Variants in MYZAP observed in about 807,000 individuals in gnomAD.
MYZAP encodes the protein myocardial zonula adherens protein, also known as GRINL1A complex locus upstream.
MYZAP carries 66 observed loss-of-function variants against 69.4 expected under a neutral mutation model. That is an observed-to-expected ratio of 0.95 (90% CI 0.78 to 1.17). The LOEUF is 1.17. Ranked by LOEUF, MYZAP falls within the 50% of genes most tolerant of loss-of-function variation. MYZAP has a pLI of 0.00. For missense variants in MYZAP, 611 were observed against 556.2 expected, an observed-to-expected ratio of 1.10 and a Z score of -0.99; for synonymous variants, 256 against 205.9, an observed-to-expected ratio of 1.24 and a Z score of -2.09.
At position 57,632,426 on chromosome 15, in the gene MYZAP, CGTT is replaced by C. The variant is rs769372233; in HGVS notation, c.679-5_679-3del. On this transcript the variant is annotated splice_region_variant and splice_polypyrimidine_tract_variant and intron_variant, in intron 6 of 12. Coordinates refer to ENST00000267853, the MANE Select transcript of MYZAP (RefSeq NM_001018100.5). ...AAAGCTGTCGTTCTGAAATGAGTCTCGTTGTAGGTGGAATCGTCCCAAGAAGCC... is the reference window on the plus strand; with the variant it reads ...AAAGCTGTCGTTCTGAAATGAGTCTCGTAGGTGGAATCGTCCCAAGAAGCC... 5.0e-6 allele frequency: 8 copies of C among 1,613,960 alleles called. No individual in the cohort carries two copies. The highest frequency in any genetic ancestry group is 2.2e-5 in the South Asian group (2 of 91,036).
Position 57,594,679 on chromosome 15 carries a change from G to A in MYZAP, c.75+2570G>A, listed in dbSNP as rs943411640. ...GTGCACTCTATGATGATTACGCAAC[G>A]ACAAAAATCATCAAATGATGCATTT... On this transcript the variant is annotated intron_variant, in intron 1 of 12. Coordinates refer to ENST00000267853, the MANE Select transcript of MYZAP (RefSeq NM_001018100.5). 3.9e-5 allele frequency among the ~76,000 whole-genome samples: 6 copies of A among 152,200 alleles called. No individual in the cohort carries two copies. The South Asian group carries it at 6.2e-4, about 16-fold the overall frequency.
chr15:57,646,578 A>G (rs2037457246), intron 10 of MYZAP: 2 of 1,010,118 alleles, frequency 2.0e-6, no homozygotes, highest in Non-Finnish European at 2.4e-6. Flanking sequence ...GACATCTGCT[A>G]AGGAGATGGG....
At chr15:57,658,418 T>A (rs2038111514) in intron 10 of MYZAP, among the ~76,000 whole-genome samples, 1 of 152,206 alleles carries the variant, frequency 6.6e-6, no homozygotes, top group Admixed American at 6.5e-5. Context: ...TTTTCCAAAG[T>A]GTCTTTTCTT....
At chr15:57,621,023 T>C (rs1407416325) in intron 3 of MYZAP, among the ~76,000 whole-genome samples, 1 of 148,136 alleles carries the variant, frequency 6.8e-6, no homozygotes, top group African/African-American at 2.4e-5. Flanking sequence ...ATATATTCTA[T>C]ATTAATATAT....
chr15:57,652,529 AT>A (rs1373167153), intron 10 of MYZAP, among the ~76,000 whole-genome samples: 1 of 152,254 alleles, frequency 6.6e-6, no homozygotes, highest in African/African-American at 2.4e-5. Flanking sequence ...CTATGCAAAA[AT>A]AAAACACTTT....
chr15:57,612,138 CA>C (rs2035144942), intron 2 of MYZAP, among the ~76,000 whole-genome samples: 2 of 152,216 alleles, frequency 1.3e-5, no homozygotes, highest in Admixed American at 6.5e-5. Flanking sequence ...GCAGGGAACC[CA>C]GTGGCTCTGT....
At chr15:57,645,408 G>A (rs16977633) in intron 10 of MYZAP, among the ~76,000 whole-genome samples, 4,740 of 152,294 alleles carry the variant, frequency 0.031, 85 homozygotes, top group Admixed American at 0.047. Context: ...TGCATCTGCA[G>A]TTAGAGACCT....
intron 2 of MYZAP, among the ~76,000 whole-genome samples, chr15:57,614,815 C>A (rs542260009): frequency 6.6e-6 from 1 of 152,122 alleles, no homozygotes; most frequent in South Asian, 2.1e-4. Flanking sequence ...TAGGCAGGCA[C>A]TTGCAGGCTG....
chr15:57,611,350 G>C (rs2035090899), intron 2 of MYZAP, among the ~76,000 whole-genome samples: 1 of 152,212 alleles, frequency 6.6e-6, no homozygotes, highest in African/African-American at 2.4e-5. Flanking sequence ...GAGAAACTCT[G>C]TTTAGGATAT....
In MYZAP at chr15:57,604,305, G is replaced by T; in HGVS notation, c.112G>T (p.Glu38Ter). ...VCRLRLTVPPESPVPEQCEKK... is the reference protein window; with the variant it reads ...VCRLRLTVPP ...CAGACTACGGCTGACCGTACCTCCTGAGAGTCCAGTTCCTGAGCAATGTGA... is the reference window on the plus strand; with the variant it reads ...CAGACTACGGCTGACCGTACCTCCTTAGAGTCCAGTTCCTGAGCAATGTGA... Residue 38 changes from glutamate (E) to a stop codon, truncating the protein, a stop_gained, in exon 2 of 13, where the codon GAG becomes TAG. Transcript: ENST00000267853. LOFTEE classifies it high-confidence loss of function. The T allele has an allele frequency of 6.2e-7, 1 of 1,614,176 alleles. No individual in the cohort carries two copies. Among genetic ancestry groups the T allele is most frequent in the Non-Finnish European group, 8.5e-7 (1 of 1,180,038 alleles).
At chr15:57,669,134 C>T (rs1372575810) in intron 11 of MYZAP, among the ~76,000 whole-genome samples, 2 of 152,056 alleles carry the variant, frequency 1.3e-5, no homozygotes, top group African/African-American at 4.8e-5. Context: ...AGTGATCAGC[C>T]CATGTCGGGT....
intron 6 of MYZAP, among the ~76,000 whole-genome samples, chr15:57,632,181 G>C (rs1206517701): frequency 1.3e-5 from 2 of 152,194 alleles, no homozygotes; most frequent in Admixed American, 1.3e-4. Flanking sequence ...TTTTGAAAAA[G>C]TCACTCATGT....
At chr15:57,682,613 G>A (rs2039500633) in intron 12 of MYZAP, among the ~76,000 whole-genome samples, 1 of 152,136 alleles carries the variant, frequency 6.6e-6, no homozygotes, top group East Asian at 1.9e-4. Context: ...AAAAATATGA[G>A]CAGATCATGG....
intron 1 of MYZAP, among the ~76,000 whole-genome samples, chr15:57,597,466 G>A (rs1165373655): frequency 2.0e-5 from 3 of 152,178 alleles, no homozygotes; most frequent in African/African-American, 4.8e-5. Flanking sequence ...ACACTCCTGG[G>A]ACAGTGTTGC....
chr15:57,624,417 G>T (rs2036002241), intron 4 of MYZAP, among the ~76,000 whole-genome samples: 1 of 152,102 alleles, frequency 6.6e-6, no homozygotes, highest in Non-Finnish European at 1.5e-5. Context: ...TAGGAGTGGG[G>T]CTATGTAAAT....
At chr15:57,593,540 G>A (rs1285718832) in intron 1 of MYZAP, among the ~76,000 whole-genome samples, 4 of 152,110 alleles carry the variant, frequency 2.6e-5, no homozygotes, top group African/African-American at 4.8e-5. Flanking sequence ...AACCTAATAC[G>A]GTGGGTTGAT....
At chr15:57,658,730 T>C (rs1397419803) in intron 10 of MYZAP, among the ~76,000 whole-genome samples, 2 of 152,172 alleles carry the variant, frequency 1.3e-5, no homozygotes, top group African/African-American at 4.8e-5. Flanking sequence ...TATTCCACCT[T>C]GGGTGATGCC....
intron 3 of MYZAP, among the ~76,000 whole-genome samples, chr15:57,619,248 T>C (rs2035664058): frequency 6.6e-6 from 1 of 152,206 alleles, no homozygotes; most frequent in Non-Finnish European, 1.5e-5. Flanking sequence ...GCAGAAAATA[T>C]GAGGAAAAGC....
intron 10 of MYZAP, chr15:57,647,573 G>A: frequency 1.0e-6 from 1 of 985,394 alleles, no homozygotes. Context: ...CTTTCAGGGT[G>A]GTGTGCTTTC....
Sources: gnomAD v4.1 joint callset for allele counts (sites outside exome capture counted in the v4.1 genomes callset) on GRCh38, gnomAD v4.1.1 for gene constraint, MANE v1.5 for transcripts, NCBI Gene and HGNC (gene_info 2026-07-23, HGNC 2026-07-21) for gene names.